The following CSMD1 variants were observed in gnomAD, a reference collection of about 807,000 sequenced individuals.
CSMD1 encodes CUB and Sushi multiple domains 1, also known as CUB and sushi domain-containing protein 1.
Under a neutral mutation model 417.5 loss-of-function variants are expected in CSMD1, and 213 were observed. The observed-to-expected ratio is 0.51, with a 90% CI of 0.46 to 0.57. The LOEUF (loss-of-function observed/expected upper bound fraction) is 0.57. CSMD1 is among the 20% of genes least tolerant of loss of function. The pLI, the probability that CSMD1 is intolerant of heterozygous loss-of-function variation, is 0.00. For synonymous variants in CSMD1, 2,862 were observed against 1,736.8 expected (o/e 1.65, Z -16.11); for missense variants, 6,923 against 4,529.7 (o/e 1.53, Z -15.17).
chr8:4,103,291 C>T (rs181657471), intron 3 of CSMD1, among the ~76,000 whole-genome samples: 30 of 150,186 alleles, frequency 2.0e-4, no homozygotes, highest in South Asian at 1.0e-3. Context: ...GAAAGTATGA[C>T]GTGTGTGTGC....
chr8:4,728,865 G>A (rs565336774), intron 1 of CSMD1, among the ~76,000 whole-genome samples: 4 of 152,282 alleles, frequency 2.6e-5, no homozygotes, highest in East Asian at 1.9e-4. Context: ...TAATAAAAGA[G>A]GGGAAGGGGA....
chr8:3,590,802 A>G (rs1800812762), intron 8 of CSMD1, among the ~76,000 whole-genome samples: 1 of 152,178 alleles, frequency 6.6e-6, no homozygotes, highest in Non-Finnish European at 1.5e-5. Flanking sequence ...TGAGGCAGAA[A>G]CTAAATAAGA....
intron 5 of CSMD1, among the ~76,000 whole-genome samples, chr8:3,959,460 T>C (rs1021717714): frequency 1.3e-5 from 2 of 152,064 alleles, no homozygotes; most frequent in African/African-American, 2.4e-5. Flanking sequence ...GATCACGCCA[T>C]TGCACTCCAG....
chr8:3,649,646 C>G (rs768251525), intron 7 of CSMD1, among the ~76,000 whole-genome samples: 1 of 152,146 alleles, frequency 6.6e-6, no homozygotes, highest in Non-Finnish European at 1.5e-5. Context: ...CACGGAGAAA[C>G]CACCCCCATG....
At chr8:4,791,217 G>C (rs1382284985) in intron 1 of CSMD1, among the ~76,000 whole-genome samples, 4 of 151,078 alleles carry the variant, frequency 2.6e-5, no homozygotes, top group Non-Finnish European at 4.4e-5. Context: ...CGTGGAAGAA[G>C]CAGAGGCAGA....
In CSMD1 at chr8:4,653,842, G is replaced by T. The variant is rs543325365; in HGVS notation, c.86-16284C>A. On this transcript the variant is annotated intron_variant, in intron 1 of 69. Coordinates refer to ENST00000635120, the MANE Select transcript of CSMD1 (RefSeq NM_033225.6). ...ATCTTTATCAAGTGCCATGCTTTTA[G>T]GATTCTGAAGAAGACATGCATTTTT... is the stretch of plus-strand genomic sequence containing the variant. Among the ~76,000 whole-genome samples, 277 of 152,186 alleles carry T rather than the reference G, an allele frequency of 1.8e-3. 3 individuals carry two copies. The highest frequency in any genetic ancestry group is 6.5e-3 in the African/African-American group (269 of 41,478).
At chr8:3,309,172 C>G (rs889643902) in intron 23 of CSMD1, among the ~76,000 whole-genome samples, 6 of 152,276 alleles carry the variant, frequency 3.9e-5, no homozygotes, top group South Asian at 2.1e-4. Context: ...CTGTCACAAC[C>G]TAGACCTCCA....
At chr8:3,670,409 A>G (rs893801057) in intron 7 of CSMD1, among the ~76,000 whole-genome samples, 3 of 151,336 alleles carry the variant, frequency 2.0e-5, no homozygotes, top group Non-Finnish European at 1.5e-5. Context: ...CCTTGTGAAC[A>G]TGTGAGTTAA....
intron 5 of CSMD1, among the ~76,000 whole-genome samples, chr8:3,764,093 C>T (rs1401710657): frequency 2.6e-5 from 4 of 152,120 alleles, no homozygotes; most frequent in Non-Finnish European, 5.9e-5. Flanking sequence ...TCTGGTTGCA[C>T]TCAAAAAGAC....
rs964196379 is a variant in CSMD1, at chr8:4,143,964, G to A, written c.416-111865C>T. Among the ~76,000 whole-genome samples, 66 of 151,476 alleles carry A rather than the reference G, an allele frequency of 4.4e-4. 4 individuals carry two copies. The highest frequency in any genetic ancestry group is 1.5e-3 in the African/African-American group (63 of 40,756). On this transcript the variant is annotated intron_variant, in intron 3 of 69. Coordinates refer to ENST00000635120, the MANE Select transcript of CSMD1 (RefSeq NM_033225.6). ...AGGGATGGCCAGTGCTTGGCCCATAGCCAATCCAAGGCACTCTCCCTTTCC... is the reference window on the plus strand; with the variant it reads ...AGGGATGGCCAGTGCTTGGCCCATAACCAATCCAAGGCACTCTCCCTTTCC...
chr8:4,248,803 C>G (rs1802867191), intron 3 of CSMD1, among the ~76,000 whole-genome samples: 2 of 152,196 alleles, frequency 1.3e-5, no homozygotes, highest in South Asian at 4.2e-4. Context: ...ATGGAAAAAT[C>G]TTTGCCTAAT....
intron 26 of CSMD1, among the ~76,000 whole-genome samples, chr8:3,258,384 C>G (rs1800812205): frequency 6.6e-6 from 1 of 151,994 alleles, no homozygotes; most frequent in African/African-American, 2.4e-5. Context: ...AAATTAAAAC[C>G]AAAATGAGAT....
intron 25 of CSMD1, among the ~76,000 whole-genome samples, chr8:3,291,957 G>A (rs1352145787): frequency 2.0e-5 from 3 of 151,456 alleles, no homozygotes; most frequent in Admixed American, 6.6e-5. Flanking sequence ...TTCTCTTGTG[G>A]GCATTTAGTG....
At chr8:4,651,003 G>C (rs1291423680) in intron 1 of CSMD1, among the ~76,000 whole-genome samples, 1 of 152,148 alleles carries the variant, frequency 6.6e-6, no homozygotes, top group Admixed American at 6.5e-5. Context: ...TATGGACTTA[G>C]AGACAAGGGA....
chr8:4,428,815 G>A (rs994776362), intron 2 of CSMD1, among the ~76,000 whole-genome samples: 3 of 152,038 alleles, frequency 2.0e-5, no homozygotes, highest in Admixed American at 6.6e-5. Context: ...CACCTCCCAG[G>A]TTGAAGGATT....
chr8:4,760,743 A>G (rs1811985754), intron 1 of CSMD1, among the ~76,000 whole-genome samples: 1 of 152,282 alleles, frequency 6.6e-6, no homozygotes, highest in Non-Finnish European at 1.5e-5. Flanking sequence ...AAGTTTGGGG[A>G]AAGTATTTTA....
chr8:4,237,234 G>C (rs1424697642), intron 3 of CSMD1, among the ~76,000 whole-genome samples: 1 of 152,162 alleles, frequency 6.6e-6, no homozygotes, highest in Non-Finnish European at 1.5e-5. Context: ...TTCCGAAGTA[G>C]ACGTCCTGCC....
intron 10 of CSMD1, among the ~76,000 whole-genome samples, chr8:3,573,084 T>A (rs1800009159): frequency 6.6e-6 from 1 of 152,224 alleles, no homozygotes; most frequent in Admixed American, 6.5e-5. Context: ...GTTAACAAAT[T>A]GTTAATAAGT....
chr8:4,638,224 T>C (rs1179226187), intron 1 of CSMD1, among the ~76,000 whole-genome samples: 1 of 152,150 alleles, frequency 6.6e-6, no homozygotes, highest in Non-Finnish European at 1.5e-5. Context: ...CACTCCACCC[T>C]AAATTCTTTG....
Sources: allele counts gnomAD v4.1 joint callset (sites outside exome capture counted in the v4.1 genomes callset), GRCh38; gene constraint gnomAD v4.1.1; transcripts MANE v1.5; gene names NCBI Gene and HGNC (gene_info 2026-07-23, HGNC 2026-07-21).